The following BABAM2 variants were observed in gnomAD, a reference collection of about 807,000 sequenced individuals.
BABAM2 encodes the protein BRISC and BRCA1-A complex member 2.
A neutral mutation model predicts 54.7 loss-of-function variants in BABAM2; 31 were observed. The ratio of observed to expected loss-of-function variants is 0.57; its 90% CI spans 0.43 to 0.77. BABAM2 has a LOEUF of 0.77. BABAM2 is among the 30% of genes least tolerant of loss of function. The pLI, the probability that BABAM2 is intolerant of heterozygous loss-of-function variation, is 0.00. For synonymous variants in BABAM2, 167 were observed against 162.9 expected, an observed-to-expected ratio of 1.03 and a Z score of -0.19; for missense variants, 364 against 455.8, an observed-to-expected ratio of 0.80 and a Z score of 1.83.
At chr2:27,961,294 A>C (rs1170852516) in intron 3 of BABAM2, among the ~76,000 whole-genome samples, 1 of 152,094 alleles carries the variant, frequency 6.6e-6, no homozygotes, top group African/African-American at 2.4e-5. Context: ...TCAACTTAGG[A>C]TTTTTTCCCT....
chr2:28,145,408 G>A (rs7559376), intron 7 of BABAM2, among the ~76,000 whole-genome samples: 36,615 of 151,986 alleles, frequency 0.24, 4,658 homozygotes, highest in South Asian at 0.46. Context: ...TACAAGTTGC[G>A]TTTTCTGCTC....
chr2:28,294,806 T>C (rs1180463958), intron 10 of BABAM2, among the ~76,000 whole-genome samples: 1 of 152,254 alleles, frequency 6.6e-6, no homozygotes, highest in African/African-American at 2.4e-5. Context: ...TTTAAAATTT[T>C]ATTTTCTCAT....
At chr2:28,001,953 CAG>C (rs1673610020) in intron 4 of BABAM2, among the ~76,000 whole-genome samples, 1 of 149,670 alleles carries the variant, frequency 6.7e-6, no homozygotes, top group South Asian at 2.1e-4. Flanking sequence ...AAGGTAATAA[CAG>C]AGTTCAAATG....
chr2:28,067,684 A>G (rs1267434670), intron 6 of BABAM2, among the ~76,000 whole-genome samples: 2 of 152,192 alleles, frequency 1.3e-5, no homozygotes, highest in African/African-American at 4.8e-5. Flanking sequence ...GTCAAGGTAC[A>G]AAGTGGCACC....
At chr2:28,174,876 C>G (rs1214076319) in intron 7 of BABAM2, among the ~76,000 whole-genome samples, 1 of 152,144 alleles carries the variant, frequency 6.6e-6, no homozygotes, top group Non-Finnish European at 1.5e-5. Context: ...CACTGATATC[C>G]CACTGTATCT....
chr2:28,105,877 A>T (rs1667479185), intron 6 of BABAM2, among the ~76,000 whole-genome samples: 1 of 152,022 alleles, frequency 6.6e-6, no homozygotes, highest in South Asian at 2.1e-4. Flanking sequence ...CTTAGTATAA[A>T]TATGTACCAT....
intron 11 of BABAM2, among the ~76,000 whole-genome samples, chr2:28,305,588 TGAAA>T (rs1440202602): frequency 1.3e-5 from 2 of 152,212 alleles, no homozygotes; most frequent in Non-Finnish European, 2.9e-5. Context: ...CCTTGTTTTC[TGAAA>T]GAGTTTGTGC....
intron 10 of BABAM2, among the ~76,000 whole-genome samples, chr2:28,248,595 G>A (rs926737114): frequency 3.3e-5 from 5 of 152,152 alleles, no homozygotes. Context: ...CTGGGGAAAA[G>A]CTACATGCTT....
intron 7 of BABAM2, among the ~76,000 whole-genome samples, chr2:28,232,194 A>G (rs1398185383): frequency 6.6e-6 from 1 of 152,188 alleles, no homozygotes; most frequent in African/African-American, 2.4e-5. Flanking sequence ...AGCAAGAATT[A>G]TGATTGCGAA....
intron 6 of BABAM2, among the ~76,000 whole-genome samples, chr2:28,128,859 C>G (rs976236654): frequency 2.0e-5 from 3 of 151,278 alleles, no homozygotes; most frequent in African/African-American, 7.3e-5. Flanking sequence ...AAATAGCTTA[C>G]AACATACTGT....
chr2:28,061,474 A>G (rs1398075705), intron 6 of BABAM2, among the ~76,000 whole-genome samples: 2 of 150,952 alleles, frequency 1.3e-5, no homozygotes, highest in Non-Finnish European at 3.0e-5. Flanking sequence ...AGTCCCAGCT[A>G]CTCGGGAGGC....
intron 6 of BABAM2, among the ~76,000 whole-genome samples, chr2:28,074,728 G>A (rs1016215014): frequency 6.6e-5 from 10 of 152,014 alleles, no homozygotes; most frequent in Non-Finnish European, 1.2e-4. Context: ...GGTGAAAAGC[G>A]TGAAGTACGT....
At chr2:28,176,343 G>A (rs7597455) in intron 7 of BABAM2, among the ~76,000 whole-genome samples, 36,179 of 151,652 alleles carry the variant, frequency 0.24, 4,444 homozygotes, top group South Asian at 0.41. Flanking sequence ...GGTGCAGTGG[G>A]TGGATCACCT....
chr2:28,216,421 T>C (rs1679920681), intron 7 of BABAM2, among the ~76,000 whole-genome samples: 1 of 152,222 alleles, frequency 6.6e-6, no homozygotes, highest in African/African-American at 2.4e-5. Context: ...AGGATTGCAA[T>C]TTTTGCAGGT....
At chr2:28,176,327 T>C (rs1674938251) in intron 7 of BABAM2, among the ~76,000 whole-genome samples, 2 of 152,058 alleles carry the variant, frequency 1.3e-5, no homozygotes, top group East Asian at 3.9e-4. Context: ...CCCAGCACTT[T>C]GGGAGGGTGC....
chr2:27,889,919 C>T (rs190098309), upstream of BABAM2: 838 of 259,038 alleles, frequency 3.2e-3, 5 homozygotes, highest in Non-Finnish European at 3.4e-3. Context: ...GGGCAAAGTT[C>T]CCTGGCTCGT....
rs533089197 is a variant in BABAM2, at chr2:27,935,658, C to T, written c.205+5750C>T. Among the ~76,000 whole-genome samples, 20 of 152,322 alleles carry T rather than the reference C, an allele frequency of 1.3e-4. No individual in the cohort carries two copies. The South Asian group carries it at 2.1e-3, about 16-fold the overall frequency. ...AGAAGTTCTACTGTTGAGTACAATT[C>T]TATCGGACAGTATCTTGTGCTATAG... On this transcript the variant is annotated intron_variant, in intron 3 of 11. Coordinates refer to ENST00000379624, the MANE Select transcript of BABAM2 (RefSeq NM_199191.3).
At chr2:28,214,621 T>C (rs1285943058) in intron 7 of BABAM2, among the ~76,000 whole-genome samples, 2 of 152,190 alleles carry the variant, frequency 1.3e-5, no homozygotes, top group African/African-American at 4.8e-5. Flanking sequence ...CAATACCATT[T>C]TGAATAAGAG....
At chr2:27,915,638 C>T (rs1246637448) in intron 2 of BABAM2, among the ~76,000 whole-genome samples, 1 of 151,674 alleles carries the variant, frequency 6.6e-6, no homozygotes, top group Non-Finnish European at 1.5e-5. Flanking sequence ...TAAGTCTTTT[C>T]ATAATCATTT....
Sources: gnomAD v4.1 joint callset for allele counts (sites outside exome capture counted in the v4.1 genomes callset) on GRCh38, gnomAD v4.1.1 for gene constraint, MANE v1.5 for transcripts, NCBI Gene and HGNC (gene_info 2026-07-23, HGNC 2026-07-21) for gene names.